ENPP2: variants seen among roughly 807,000 people sequenced by gnomAD.
The protein encoded by ENPP2 is autotaxin.
A neutral mutation model predicts 120.2 loss-of-function variants in ENPP2; 51 were observed. The ratio of observed to expected loss-of-function variants is 0.42; its 90% CI spans 0.34 to 0.54. The LOEUF is 0.54. Ranked by LOEUF, ENPP2 falls within the 20% of genes least tolerant of loss-of-function variation. The pLI, the probability that ENPP2 is intolerant of heterozygous loss-of-function variation, is 0.04. For synonymous variants in ENPP2, 365 were observed against 366.4 expected, an observed-to-expected ratio of 1.00 and a Z score of 0.04; for missense variants, 920 against 1,066.5, an observed-to-expected ratio of 0.86 and a Z score of 1.91.
At chr8:119,597,000 T>G (rs1480507015) in intron 11 of ENPP2, among the ~76,000 whole-genome samples, 2 of 142,744 alleles carry the variant, frequency 1.4e-5, no homozygotes, top group African/African-American at 5.2e-5. Flanking sequence ...GGAGGGTGGG[T>G]GGGGGGAATG....
intron 18 of ENPP2, among the ~76,000 whole-genome samples, chr8:119,581,265 C>CAAAAA (rs5894487): frequency 2.7e-5 from 3 of 111,782 alleles, no homozygotes; most frequent in Non-Finnish European, 5.7e-5. Flanking sequence ...GACTCCATCT[C>CAAAAA]AAAAAAAAAA....
At chr8:119,605,072 CTATTT>C (rs995579922) in intron 9 of ENPP2, among the ~76,000 whole-genome samples, 9 of 152,094 alleles carry the variant, frequency 5.9e-5, no homozygotes, top group East Asian at 1.9e-4. Flanking sequence ...TGCACCCGGC[CTATTT>C]TATTTTATTT....
At chr8:119,573,407 T>C (rs1367264978) in intron 19 of ENPP2, among the ~76,000 whole-genome samples, 1 of 71,502 alleles carries the variant, frequency 1.4e-5, no homozygotes, top group South Asian at 7.7e-4. Flanking sequence ...GCTCCGTCTC[T>C]TAAAAAAAAA....
At chr8:119,637,270 A>C (rs1397767242) in intron 2 of ENPP2, among the ~76,000 whole-genome samples, 1 of 152,106 alleles carries the variant, frequency 6.6e-6, no homozygotes, top group Non-Finnish European at 1.5e-5. Flanking sequence ...CTGCCTCCCC[A>C]ACAGAAGACG....
At chr8:119,623,322 G>T (rs557538341) in intron 3 of ENPP2, among the ~76,000 whole-genome samples, 2 of 151,856 alleles carry the variant, frequency 1.3e-5, no homozygotes. Context: ...AAAATTAGCC[G>T]GGCATGGTGG....
intron 1 of ENPP2, among the ~76,000 whole-genome samples, chr8:119,655,338 G>A (rs1326458986): frequency 6.6e-6 from 1 of 152,170 alleles, no homozygotes; most frequent in Non-Finnish European, 1.5e-5. Flanking sequence ...TGCCAACAGA[G>A]TATTATGCAA....
chr8:119,580,330 C>A, intron 18 of ENPP2, 163 bp from the exon 19 acceptor site: 1 of 659,160 alleles, frequency 1.5e-6, no homozygotes, highest in Non-Finnish European at 2.7e-6. Flanking sequence ...TTCTCTCAAA[C>A]TGACATTCTG....
intron 5 of ENPP2, chr8:119,618,318 G>A: frequency 2.1e-6 from 1 of 484,010 alleles, no homozygotes; most frequent in South Asian, 1.5e-5. Context: ...TTGTTCTTAT[G>A]GGCCTCTGTA....
chr8:119,598,019 C>A (rs1432835237), intron 11 of ENPP2, among the ~76,000 whole-genome samples: 1 of 152,060 alleles, frequency 6.6e-6, no homozygotes, highest in Non-Finnish European at 1.5e-5. Context: ...AATCTTTCAA[C>A]TAGTATGTTA....
At chr8:119,638,871 A>G (rs1817172257), upstream of ENPP2, 5 of 1,544,814 alleles carry the variant, frequency 3.2e-6, no homozygotes, top group Non-Finnish European at 4.5e-6. Context: ...TCTATTAACT[A>G]TAAGCAATCC....
At chr8:119,594,686 A>G (rs1813764476) in intron 11 of ENPP2, among the ~76,000 whole-genome samples, 1 of 152,174 alleles carries the variant, frequency 6.6e-6, no homozygotes. Context: ...TTTCATCTTT[A>G]GCTGTGCAAT....
chr8:119,647,658 C>T (rs1387356696), intron 1 of ENPP2, among the ~76,000 whole-genome samples: 2 of 152,042 alleles, frequency 1.3e-5, no homozygotes, highest in Non-Finnish European at 2.9e-5. Context: ...GGAATAAGAG[C>T]ATAAATTCTT....
At chr8:119,629,941 A>G (rs1816543383) in intron 2 of ENPP2, among the ~76,000 whole-genome samples, 1 of 152,324 alleles carries the variant, frequency 6.6e-6, no homozygotes, top group South Asian at 2.1e-4. Context: ...AGTAGAATTC[A>G]TTCCCACGAG....
chr8:119,592,162 T>C (rs1410253150), intron 12 of ENPP2, among the ~76,000 whole-genome samples: 3 of 152,204 alleles, frequency 2.0e-5, no homozygotes, highest in Non-Finnish European at 4.4e-5. Context: ...AAATTCATTA[T>C]GACTCCAAAG....
chr8:119,644,587 AATATATATATATATATATATATATAT>A (rs33966650), intron 1 of ENPP2, among the ~76,000 whole-genome samples: 5 of 59,978 alleles, frequency 8.3e-5, no homozygotes, highest in Non-Finnish European at 1.3e-4. Flanking sequence ...AGATTACTAA[AATATATATATATATATATATATATAT>A]ATATATATAT....
intron 3 of ENPP2, among the ~76,000 whole-genome samples, chr8:119,623,368 G>A (rs1171928281): frequency 1.3e-5 from 2 of 152,042 alleles, no homozygotes; most frequent in Admixed American, 1.3e-4. Flanking sequence ...AGGAGGCTGA[G>A]GCAGGAGAAT....
chr8:119,637,853 A>G (rs966297441), intron 2 of ENPP2, among the ~76,000 whole-genome samples: 7 of 152,216 alleles, frequency 4.6e-5, no homozygotes, highest in African/African-American at 1.7e-4. Context: ...AAGGTACACT[A>G]TTAAAACTTA....
intron 8 of ENPP2, among the ~76,000 whole-genome samples, chr8:119,609,846 A>G (rs1814972861): frequency 6.6e-6 from 1 of 152,224 alleles, no homozygotes; most frequent in Non-Finnish European, 1.5e-5. Context: ...TAAGATTAAT[A>G]TGGAGTTTCC....
intron 1 of ENPP2, among the ~76,000 whole-genome samples, chr8:119,650,401 G>A (rs1032833525): frequency 4.6e-5 from 7 of 152,132 alleles, no homozygotes; most frequent in Non-Finnish European, 1.5e-5. Context: ...GCATAATGGT[G>A]ATGTTTGCAC....
Sources: allele counts gnomAD v4.1 joint callset (sites outside exome capture counted in the v4.1 genomes callset), GRCh38; gene constraint gnomAD v4.1.1; transcripts MANE v1.5; gene names NCBI Gene and HGNC (gene_info 2026-07-23, HGNC 2026-07-21).